DOCK10: variants seen among roughly 807,000 people sequenced by gnomAD.
The protein encoded by DOCK10 is dedicator of cytokinesis protein 10.
DOCK10 carries 145 observed loss-of-function variants against 280.1 expected under a neutral mutation model. The ratio of observed to expected loss-of-function variants is 0.52; its 90% CI spans 0.45 to 0.59. The LOEUF is 0.59. DOCK10 is among the 20% of genes least tolerant of loss of function. DOCK10 has a pLI of 0.00. For synonymous variants in DOCK10, 915 were observed against 942.2 expected (o/e 0.97, Z 0.53); for missense variants, 2,368 against 2,651.7 (o/e 0.89, Z 2.35).
In DOCK10 at chr2:224,835,050, C is replaced by T. The variant is rs1695506454; in HGVS notation, c.2851-787G>A. Among the ~76,000 whole-genome samples, 4 of 152,314 alleles carry T rather than the reference C, an allele frequency of 2.6e-5. No homozygotes were observed. In the South Asian group the frequency reaches 8.3e-4, roughly 32 times the overall value. ...TGAAGGCAGGAAAGAGAAGGAATGG[C>T]TTAATGTAGAGGCACATTAGCTTTT... On this transcript the variant is annotated intron_variant, in intron 25 of 55. Transcript: ENST00000258390.
At position 224,864,984 on chromosome 2, in the gene DOCK10, A is replaced by T; in HGVS notation, c.1361T>A (p.Met454Lys). The change falls in exon 12 of 56, where the codon ATG (methionine) becomes AAG (lysine). Residue 454 changes from methionine to lysine, a missense_variant. Coordinates refer to ENST00000258390, the MANE Select transcript of DOCK10 (RefSeq NM_014689.3). ...VDLNHAAVRQ[M>K]LLGASVALEN... is the part of the protein sequence containing the mutation. Reference sequence around the variant, plus strand: ...CAAAGCCACAGAAGCCCCCAAGAGCATCTGTCTGACAGCAGCATGGTTTAG... The same window carrying T: ...CAAAGCCACAGAAGCCCCCAAGAGCTTCTGTCTGACAGCAGCATGGTTTAG... The T allele has an allele frequency of 6.2e-7, 1 of 1,614,002 alleles. No individual in the cohort carries two copies. Among genetic ancestry groups the T allele is most frequent in the Non-Finnish European group, 8.5e-7 (1 of 1,179,876 alleles).
At position 224,876,172 on chromosome 2, in the gene DOCK10, G is replaced by A. The variant is rs1384797549; in HGVS notation, c.797C>T (p.Thr266Ile). ...TGTTTCAGCTGCCAGCACAAAATAG[G>A]TCAGATCATTCATTTTCAATTCAAA... ...YAFELKMNDL[T>I]YFVLAAETES... Residue 266 changes from threonine to isoleucine, a missense_variant, in exon 8 of 56, where the codon ACC becomes ATC. Physicochemically the swap from Thr to Ile is moderately conservative, Grantham distance 89. This residue lies in a region of DOCK10 where 1,209 missense variants were observed against 1,250.9 expected (regional missense o/e 0.97). Coordinates refer to ENST00000258390, the MANE Select transcript of DOCK10 (RefSeq NM_014689.3). The A allele has an allele frequency of 6.2e-7, 1 of 1,613,622 alleles. No homozygotes were observed. The highest frequency in any genetic ancestry group is 2.2e-5 in the East Asian group (1 of 44,876).
chr2:224,840,003 T>G lies in DOCK10; in HGVS notation c.2731A>C (p.Lys911Gln). Residue 911 changes from lysine (K) to glutamine (Q), a missense_variant, in exon 24 of 56, where the codon AAA becomes CAA. By Grantham distance (53) the Lys-to-Gln change is moderately conservative (BLOSUM62 1). Coordinates refer to ENST00000258390, the MANE Select transcript of DOCK10 (RefSeq NM_014689.3). The stretch of plus-strand genomic sequence containing the variant: ...TCTTCCTCATTCTGTACCAGAACTT[T>G]GAAGAGCTGATTCAAAATTATAGGC... Reference protein sequence around the residue: ...FLPIILNQLFKVLVQNEEDEI... With the variant: ...FLPIILNQLFQVLVQNEEDEI... 1.3e-6 allele frequency: 2 copies of G among 1,565,218 alleles called. No homozygotes were observed. The highest frequency in any genetic ancestry group is 1.7e-6 in the Non-Finnish European group (2 of 1,152,006).
At chr2:224,795,395 G>T (rs1460248019) in intron 44 of DOCK10, among the ~76,000 whole-genome samples, 2 of 152,198 alleles carry the variant, frequency 1.3e-5, no homozygotes, top group Admixed American at 6.5e-5. Context: ...GATTTGAACA[G>T]GTCTGACTTT....
At chr2:225,001,333 AG>A (rs1208435355) in intron 1 of DOCK10, among the ~76,000 whole-genome samples, 1 of 128,846 alleles carries the variant, frequency 7.8e-6, no homozygotes, top group Non-Finnish European at 1.5e-5. Flanking sequence ...TCTGCCACCC[AG>A]GCTGGAGTGC....
intron 27 of DOCK10, among the ~76,000 whole-genome samples, chr2:224,826,485 G>A (rs537235371): frequency 2.6e-5 from 4 of 152,120 alleles, no homozygotes; most frequent in Non-Finnish European, 5.9e-5. Flanking sequence ...TTGGATGATG[G>A]AAATTCCTTT....
At chr2:224,936,593 A>G (rs1486357642) in intron 1 of DOCK10, among the ~76,000 whole-genome samples, 1 of 147,962 alleles carries the variant, frequency 6.8e-6, no homozygotes, top group Non-Finnish European at 1.5e-5. Context: ...AAATTTTTTA[A>G]AGTTTGTAAT....
At chr2:224,804,000 A>ATGTGTGTGTGTGTG in intron 39 of DOCK10, 112 bp downstream of exon 39, 1 of 460,884 alleles carries the variant, frequency 2.2e-6, no homozygotes. Flanking sequence ...AAATAGAAAT[A>ATGTGTGTGTGTGTG]TGTGTGTGTG....
chr2:224,785,318 T>C (rs1018858504), intron 50 of DOCK10, among the ~76,000 whole-genome samples: 6 of 151,890 alleles, frequency 4.0e-5, no homozygotes, highest in Non-Finnish European at 7.4e-5. Context: ...AGATTGTTTA[T>C]GCAGATCCCC....
At chr2:224,992,426 A>C (rs374364883) in intron 1 of DOCK10, among the ~76,000 whole-genome samples, 1 of 152,380 alleles carries the variant, frequency 6.6e-6, no homozygotes, top group East Asian at 1.9e-4. Flanking sequence ...ATTATTTGCC[A>C]GGACTCAGGG....
chr2:224,926,718 A>G (rs539003670), intron 2 of DOCK10, among the ~76,000 whole-genome samples: 1 of 152,356 alleles, frequency 6.6e-6, no homozygotes, highest in Admixed American at 6.5e-5. Context: ...AAGCAAAGCC[A>G]ATTACTTCAT....
At chr2:224,901,995 T>C (rs749663307) in intron 3 of DOCK10, among the ~76,000 whole-genome samples, 1 of 152,248 alleles carries the variant, frequency 6.6e-6, no homozygotes, top group Non-Finnish European at 1.5e-5. Context: ...TCTGTATCAT[T>C]TTCTTCTGGA....
chr2:224,842,204 C>G (rs1696011359), intron 22 of DOCK10, among the ~76,000 whole-genome samples: 1 of 152,160 alleles, frequency 6.6e-6, no homozygotes, highest in African/African-American at 2.4e-5. Flanking sequence ...GAAAAATTTT[C>G]TTCATTTATC....
intron 4 of DOCK10, among the ~76,000 whole-genome samples, chr2:224,895,855 ATATATATG>A (rs142266110): frequency 0.16 from 22,636 of 145,794 alleles, 2,548 homozygotes; most frequent in African/African-American, 0.36. Flanking sequence ...ATATATATAT[ATATATATG>A]TCTTTTGTGG....
intron 2 of DOCK10, among the ~76,000 whole-genome samples, chr2:224,923,243 C>T (rs1297369069): frequency 2.6e-5 from 4 of 152,110 alleles, no homozygotes; most frequent in Non-Finnish European, 4.4e-5. Flanking sequence ...CCAAGTTAAG[C>T]ATGAAGACAC....
chr2:224,879,733 T>C (rs1454967187), intron 7 of DOCK10, among the ~76,000 whole-genome samples: 1 of 151,790 alleles, frequency 6.6e-6, no homozygotes, highest in East Asian at 1.9e-4. Flanking sequence ...ACTCCCAGCC[T>C]GGGTGACAGA....
At chr2:224,876,753 A>C (rs1421566735) in intron 7 of DOCK10, among the ~76,000 whole-genome samples, 1 of 152,158 alleles carries the variant, frequency 6.6e-6, no homozygotes, top group Non-Finnish European at 1.5e-5. Flanking sequence ...AGTTGCCACG[A>C]GCACACTCTA....
rs185512250 is a variant in DOCK10 at position 225,016,539 on chromosome 2, A to G, written c.123+25713T>C. 4.4e-4 allele frequency among the ~76,000 whole-genome samples: 64 copies of G among 145,964 alleles called. 1 individual carries two copies. In the Middle Eastern group the frequency reaches 0.016, roughly 35 times the overall value. On this transcript the variant is annotated intron_variant, in intron 1 of 55. Transcript: ENST00000258390. ...TATATCTATATGCACATAGATACAT[A>G]TATCTATATGCACATAGATACATAT... is the stretch of plus-strand genomic sequence containing the variant.
chr2:224,933,583 G>A (rs1161043783), intron 1 of DOCK10, among the ~76,000 whole-genome samples: 1 of 152,062 alleles, frequency 6.6e-6, no homozygotes, highest in Non-Finnish European at 1.5e-5. Context: ...TGTAGCAAAC[G>A]AAACAAAATG....
Sources: allele counts gnomAD v4.1 joint callset (sites outside exome capture counted in the v4.1 genomes callset), GRCh38; gene constraint gnomAD v4.1.1; regional missense constraint gnomAD v4.1.1; transcripts MANE v1.5; gene names NCBI Gene and HGNC (gene_info 2026-07-23, HGNC 2026-07-21).